Variants in SLC14A2 observed in about 807,000 individuals in gnomAD.
SLC14A2 encodes the protein urea transporter 2.
In SLC14A2, 91 loss-of-function variants were observed where a neutral mutation model predicts 104.6. The observed-to-expected ratio is 0.87, with a 90% confidence interval of 0.73 to 1.04. The LOEUF is 1.04. Among genes scored for constraint, SLC14A2 ranks in the 50% least tolerant of loss-of-function variants. SLC14A2 has a pLI of 0.00. For synonymous variants in SLC14A2, 476 were observed against 466.4 expected (o/e 1.02, Z -0.27); for missense variants, 1,189 against 1,156.0 (o/e 1.03, Z -0.41).
chr18:45,390,702 T>A (rs1403423855), intron 1 of SLC14A2, among the ~76,000 whole-genome samples: 2 of 152,058 alleles, frequency 1.3e-5, no homozygotes, highest in Non-Finnish European at 2.9e-5. Flanking sequence ...GTCTGAAAAA[T>A]CTAAAGGGAA....
At position 45,624,648 on chromosome 18, in the gene SLC14A2, G is replaced by A; in HGVS notation, c.-17G>A. On this transcript the variant is annotated 5_prime_UTR_variant, in exon 2 of 20. Coordinates refer to ENST00000255226, the MANE Select transcript of SLC14A2 (RefSeq NM_007163.4). ...CCGTCTAGTCCATCGATAGAAGAGT[G>A]GCTGTGACCCGAAGGAATGTCTGAC... 6.2e-7 allele frequency: 1 copy of A among 1,605,590 alleles called. No individual in the cohort carries two copies.
chr18:45,471,860 A>G (rs867887446), intron 1 of SLC14A2, among the ~76,000 whole-genome samples: 47 of 149,486 alleles, frequency 3.1e-4, no homozygotes, highest in African/African-American at 1.1e-3. Flanking sequence ...TTGTTTTTTT[A>G]TTTGTATGTT....
chr18:45,415,841 C>T (rs770705129), intron 1 of SLC14A2, among the ~76,000 whole-genome samples: 3 of 152,110 alleles, frequency 2.0e-5, no homozygotes, highest in Non-Finnish European at 2.9e-5. Flanking sequence ...GTCTGCTTGA[C>T]CTTTGGCCTG....
chr18:45,643,164 T>C lies in SLC14A2; in HGVS notation c.1159T>C (p.Ser387Pro), dbSNP rs768441096. Residue 387 changes from serine to proline, a missense_variant, in exon 9 of 20, where the codon TCC (serine) becomes CCC (proline). Coordinates refer to ENST00000255226, the MANE Select transcript of SLC14A2 (RefSeq NM_007163.4). ...LFCAYMEAAI[S>P]NIMSVVGVPP... is the part of the protein sequence containing the mutation. Reference sequence around the variant, plus strand: ...CTGTGCATACATGGAAGCAGCCATCTCCAACATCATGTCAGTGGTAAGTGT... The same window carrying C: ...CTGTGCATACATGGAAGCAGCCATCCCCAACATCATGTCAGTGGTAAGTGT... 2 of 1,614,004 alleles carry C rather than the reference T, an allele frequency of 1.2e-6. No individual in the cohort carries two copies. The highest frequency in any genetic ancestry group is 3.3e-5 in the Admixed American group (2 of 60,008).
chr18:45,583,280 C>A (rs2044523482), intron 2 of SLC14A2, among the ~76,000 whole-genome samples: 1 of 152,192 alleles, frequency 6.6e-6, no homozygotes, highest in Non-Finnish European at 1.5e-5. Flanking sequence ...CAGCTTCTCT[C>A]TTGACAACTC....
chr18:45,303,474 G>A lies in SLC14A2; in HGVS notation c.-125+90283G>A, dbSNP rs545911730. 3.3e-4 allele frequency among the ~76,000 whole-genome samples: 50 copies of A among 152,340 alleles called. No homozygotes were observed. The South Asian group carries it at 8.7e-3, about 27-fold the overall frequency. On this transcript the variant is annotated intron_variant, in intron 1 of 20. Transcript: ENST00000586448. ...TCAGTTTGCTTTAACACACTAAAGT[G>A]TCCAGGGATGGGGAGCTCAGGCAAG... is the stretch of plus-strand genomic sequence containing the variant.
the SLC14A2 span, among the ~76,000 whole-genome samples, chr18:45,190,804 T>C: frequency 6.6e-6 from 1 of 152,168 alleles, no homozygotes; most frequent in Non-Finnish European, 1.5e-5. Flanking sequence ...ATTATCCGCA[T>C]ATTACAGGTG....
intron 2 of SLC14A2, among the ~76,000 whole-genome samples, chr18:45,609,560 T>C (rs988540531): frequency 6.6e-6 from 1 of 152,162 alleles, no homozygotes; most frequent in African/African-American, 2.4e-5. Context: ...TCCATGAGGG[T>C]ACCACAATTA....
rs773715902 is a variant in SLC14A2 at position 45,644,120 on chromosome 18, C to A, written c.1311C>A (p.Tyr437Ter). ...VTYPEANRIY[Y>*]LTVKSGEEEK... is the part of the protein sequence containing the mutation. ...ACCCCGAGGCCAACCGCATCTACTA[C>A]CTGACAGTGAAAAGCGGTGAAGAAG... The change falls in exon 10 of 20, where the codon TAC (tyrosine) becomes TAA (stop). Residue 437 changes from tyrosine (Y) to a stop codon, truncating the protein, a stop_gained. Transcript: ENST00000255226. LOFTEE classifies it high-confidence loss of function. 3 of 1,614,206 alleles carry A rather than the reference C, an allele frequency of 1.9e-6. No homozygotes were observed. The South Asian group carries it at 3.3e-5, about 18-fold the overall frequency.
chr18:45,496,617 C>T (rs914499147), intron 2 of SLC14A2, among the ~76,000 whole-genome samples: 1 of 152,070 alleles, frequency 6.6e-6, no homozygotes, highest in African/African-American at 2.4e-5. Flanking sequence ...AATACAAAAC[C>T]CCATCTCTAG....
In SLC14A2 at chr18:45,534,594, C is replaced by T. The variant is rs553327116; in HGVS notation, c.-35+51272C>T. On this transcript the variant is annotated intron_variant, in intron 2 of 20. Coordinates refer to the SLC14A2 transcript ENST00000586448. The stretch of plus-strand genomic sequence containing the variant: ...GTAGACCCTTGAAACAATAGCATGT[C>T]GGAAACTTTAGAGTTCATCTGGTCC... 4.4e-4 allele frequency among the ~76,000 whole-genome samples: 67 copies of T among 152,170 alleles called. 2 individuals are homozygous for T. In the South Asian group the frequency reaches 6.6e-3, roughly 15 times the overall value.
At chr18:45,434,469 TTTG>T (rs148118832) in intron 1 of SLC14A2, among the ~76,000 whole-genome samples, 80,773 of 151,418 alleles carry the variant, frequency 0.53, 21,665 homozygotes, top group Admixed American at 0.66. Flanking sequence ...TTTGCAGAGC[TTTG>T]TTGTTGTTGT....
At chr18:45,598,413 A>C (rs1697370125) in intron 2 of SLC14A2, among the ~76,000 whole-genome samples, 2 of 152,128 alleles carry the variant, frequency 1.3e-5, no homozygotes, top group African/African-American at 2.4e-5. Flanking sequence ...TTTCTCCTAC[A>C]AATTTCTTAG....
rs1467227744 is a variant in SLC14A2, at chr18:45,236,008, T to C, written c.-125+22817T>C. Among the ~76,000 whole-genome samples, 70 of 56,848 alleles carry C rather than the reference T, an allele frequency of 1.2e-3. 1 individual carries two copies. Among genetic ancestry groups the C allele is most frequent in the Non-Finnish European group, 1.7e-3 (60 of 34,364 alleles). The allele number at this position is 56,848 out of a possible 152,430, so 37.3% of individuals were successfully genotyped here. A position where few individuals can be genotyped will look rare whatever the true frequency, so the allele number is the denominator to read the frequency against. On this transcript the variant is annotated intron_variant, in intron 1 of 20. Coordinates refer to the SLC14A2 transcript ENST00000586448. The stretch of plus-strand genomic sequence containing the variant: ...ATATGTGTATATATACATATATGTG[T>C]GTATATATGTGTATATATACATATA...
chr18:45,499,658 G>C lies in SLC14A2; in HGVS notation c.-35+16336G>C, dbSNP rs191335958. Among the ~76,000 whole-genome samples, 13 of 152,312 alleles carry C rather than the reference G, an allele frequency of 8.5e-5. No individual in the cohort carries two copies. The East Asian group carries it at 2.5e-3, about 29-fold the overall frequency. ...AGAAATGATCACTGTCAAAATCATT[G>C]ATCAATATCCTTGGAGCTGCAGTGT... On this transcript the variant is annotated intron_variant, in intron 2 of 20. Coordinates refer to the SLC14A2 transcript ENST00000586448.
chr18:45,590,796 T>C (rs1318961080), intron 2 of SLC14A2, among the ~76,000 whole-genome samples: 1 of 152,176 alleles, frequency 6.6e-6, no homozygotes, highest in Non-Finnish European at 1.5e-5. Context: ...ATTGATTGAG[T>C]GCTTACAGTG....
At chr18:45,480,428 C>T (rs982677880) in intron 1 of SLC14A2, among the ~76,000 whole-genome samples, 1 of 152,194 alleles carries the variant, frequency 6.6e-6, no homozygotes, top group African/African-American at 2.4e-5. Context: ...CCGTGCCTGT[C>T]TCCACAGAGT....
intron 1 of SLC14A2, among the ~76,000 whole-genome samples, chr18:45,285,520 C>T (rs757382056): frequency 6.6e-6 from 1 of 152,134 alleles, no homozygotes; most frequent in Non-Finnish European, 1.5e-5. Context: ...CAGGTTGGAG[C>T]AATTCTCCTG....
intron 1 of SLC14A2, among the ~76,000 whole-genome samples, chr18:45,463,134 G>A (rs955835732): frequency 1.3e-5 from 2 of 152,152 alleles, no homozygotes; most frequent in African/African-American, 4.8e-5. Context: ...TCACATGGTG[G>A]CTCTGCTGTC....
Sources: allele counts gnomAD v4.1 joint callset (sites outside exome capture counted in the v4.1 genomes callset), GRCh38; gene constraint gnomAD v4.1.1; transcripts MANE v1.5; gene names NCBI Gene and HGNC (gene_info 2026-07-23, HGNC 2026-07-21).